SLC13A3: variants seen among roughly 807,000 people sequenced by gnomAD.
SLC13A3 encodes solute carrier family 13 member 3, also known as Na(+)/dicarboxylate cotransporter 3.
Under a neutral mutation model 59.0 loss-of-function variants are expected in SLC13A3, and 40 were observed. The observed-to-expected ratio is 0.68, with a 90% CI of 0.53 to 0.88. The LOEUF (loss-of-function observed/expected upper bound fraction) is 0.88. SLC13A3 is among the 40% of genes least tolerant of loss of function. The pLI, the probability that SLC13A3 is intolerant of heterozygous loss-of-function variation, is 0.00. For synonymous variants in SLC13A3, 317 were observed against 330.3 expected (o/e 0.96, Z 0.44); for missense variants, 699 against 783.2 (o/e 0.89, Z 1.28).
chr20:46,576,267 CAG>C (rs2062075575), intron 9 of SLC13A3, among the ~76,000 whole-genome samples: 1 of 152,122 alleles, frequency 6.6e-6, no homozygotes, highest in Admixed American at 6.5e-5. Context: ...TGAAAACAGC[CAG>C]AGACCATACC....
intron 9 of SLC13A3, among the ~76,000 whole-genome samples, chr20:46,579,365 T>A (rs2062111878): frequency 6.6e-6 from 1 of 152,132 alleles, no homozygotes; most frequent in Non-Finnish European, 1.5e-5. Context: ...CCTCAAGCAA[T>A]CCTCCCACCT....
At chr20:46,643,755 T>C (rs911343394) in intron 1 of SLC13A3, among the ~76,000 whole-genome samples, 18 of 152,160 alleles carry the variant, frequency 1.2e-4, no homozygotes, top group African/African-American at 3.9e-4. Flanking sequence ...GCATAAAACA[T>C]TGATGAGGCC....
chr20:46,615,695 C>T (rs957300918), intron 1 of SLC13A3, among the ~76,000 whole-genome samples: 3 of 152,178 alleles, frequency 2.0e-5, no homozygotes, highest in Non-Finnish European at 4.4e-5. Context: ...CACACTGTCA[C>T]CAATTTCCAT....
At chr20:46,595,571 C>A (rs1450767481) in intron 5 of SLC13A3, among the ~76,000 whole-genome samples, 6 of 152,176 alleles carry the variant, frequency 3.9e-5, no homozygotes, top group Admixed American at 2.6e-4. Context: ...TCTGCTGTGA[C>A]CTTTCCAATG....
At chr20:46,592,223 GCATA>G (rs11469301) in intron 6 of SLC13A3, among the ~76,000 whole-genome samples, 177 bp downstream of exon 6, 163 of 151,102 alleles carry the variant, frequency 1.1e-3, no homozygotes, top group African/African-American at 1.1e-3. Flanking sequence ...AAAACTAAAT[GCATA>G]CATACATACA....
intron 1 of SLC13A3, among the ~76,000 whole-genome samples, chr20:46,626,689 C>A (rs2062676681): frequency 6.6e-6 from 1 of 152,152 alleles, no homozygotes; most frequent in Non-Finnish European, 1.5e-5. Context: ...GCCCCTCATC[C>A]CCTGACCTTC....
At chr20:46,665,453 G>T (rs1414643523) in intron 1 of SLC13A3, among the ~76,000 whole-genome samples, 1 of 152,122 alleles carries the variant, frequency 6.6e-6, no homozygotes, top group Non-Finnish European at 1.5e-5. Context: ...TGTCTGTATA[G>T]ATTTGCCTAC....
upstream of SLC13A3, among the ~76,000 whole-genome samples, chr20:46,655,483 A>G (rs1252620900): frequency 6.8e-6 from 1 of 147,572 alleles, no homozygotes; most frequent in Non-Finnish European, 1.5e-5. Flanking sequence ...ATGTATATAT[A>G]TGTGTGTGTG....
At chr20:46,602,850 G>A (rs1048650206) in intron 3 of SLC13A3, among the ~76,000 whole-genome samples, 2 of 152,068 alleles carry the variant, frequency 1.3e-5, no homozygotes, top group African/African-American at 4.8e-5. Context: ...TGATAAAATG[G>A]AAGTAACCAT....
rs6017933 is a variant in SLC13A3 at position 46,588,927 on chromosome 20, C to G, written c.1016+233G>C. 3.3e-3 allele frequency among the ~76,000 whole-genome samples: 495 copies of G among 152,284 alleles called. 3 individuals carry two copies. Among genetic ancestry groups the G allele is most frequent in the African/African-American group, 0.011 (470 of 41,538 alleles). ...GTGCCTTGGGTGGAAGGTAGCAGAT[C>G]CCACTGTAAGTACACTCTGAGGGGC... On this transcript the variant is annotated intron_variant, in intron 7 of 12. Transcript: ENST00000279027.
At chr20:46,629,676 C>G (rs1241747904) in intron 1 of SLC13A3, among the ~76,000 whole-genome samples, 4 of 152,104 alleles carry the variant, frequency 2.6e-5, no homozygotes, top group Non-Finnish European at 5.9e-5. Context: ...TCTGATACAG[C>G]CTTTATAACA....
chr20:46,603,990 C>CA (rs532575671), intron 3 of SLC13A3, among the ~76,000 whole-genome samples: 2,591 of 64,300 alleles, frequency 0.04, 45 homozygotes, highest in African/African-American at 0.091. Context: ...GACGCCATCT[C>CA]AAAAAAAAAA....
rs1600614589 is a variant in SLC13A3 at position 46,649,676 on chromosome 20, C to G, written c.111+1635G>C. ...TGTAATCGCTCCACTTACAGGGAAG[C>G]AAAACCCAAAGAGGAAAGGAGATTG... is the stretch of plus-strand genomic sequence containing the variant. On this transcript the variant is annotated intron_variant, in intron 1 of 12. Coordinates refer to ENST00000279027, the MANE Select transcript of SLC13A3 (RefSeq NM_022829.6). Among the ~76,000 whole-genome samples the G allele has an allele frequency of 4.6e-5, 7 of 152,188 alleles. No homozygotes were observed. In the South Asian group the frequency reaches 1.5e-3, roughly 32 times the overall value.
chr20:46,622,621 CGT>C (rs11469544), intron 1 of SLC13A3, among the ~76,000 whole-genome samples: 14,313 of 133,834 alleles, frequency 0.11, 804 homozygotes, highest in Non-Finnish European at 0.15. Context: ...GTGGTGTGTG[CGT>C]GTGTGTGTGT....
At chr20:46,584,848 G>C (rs941999091) in intron 8 of SLC13A3, among the ~76,000 whole-genome samples, 2 of 151,674 alleles carry the variant, frequency 1.3e-5, no homozygotes, top group African/African-American at 4.9e-5. Flanking sequence ...ACTGATAAGA[G>C]TAAAAAAAAA....
intron 12 of SLC13A3, among the ~76,000 whole-genome samples, chr20:46,561,889 T>C (rs1387812484): frequency 4.6e-5 from 7 of 152,106 alleles, no homozygotes; most frequent in Non-Finnish European, 2.9e-5. Context: ...GGTCCCATGT[T>C]AGCTACTTCA....
At chr20:46,675,196 G>A (rs2063117144) in intron 1 of SLC13A3, among the ~76,000 whole-genome samples, 1 of 151,750 alleles carries the variant, frequency 6.6e-6, no homozygotes, top group Admixed American at 6.6e-5. Flanking sequence ...GGTTGGTGGG[G>A]GGAAGTGGAG....
chr20:46,635,130 C>T (rs1383394806), intron 1 of SLC13A3, among the ~76,000 whole-genome samples: 1 of 152,210 alleles, frequency 6.6e-6, no homozygotes, highest in Non-Finnish European at 1.5e-5. Context: ...AGGAAGACCA[C>T]TTGCTGTTTC....
intron 1 of SLC13A3, among the ~76,000 whole-genome samples, chr20:46,662,710 C>T (rs763902487): frequency 7.2e-5 from 11 of 152,212 alleles, no homozygotes; most frequent in Non-Finnish European, 1.6e-4. Flanking sequence ...GTTGGTAACT[C>T]AGCTCCTATA....
Sources: gnomAD v4.1 joint callset for allele counts (sites outside exome capture counted in the v4.1 genomes callset) on GRCh38, gnomAD v4.1.1 for gene constraint, MANE v1.5 for transcripts, NCBI Gene and HGNC (gene_info 2026-07-23, HGNC 2026-07-21) for gene names.